Variants in PPP1CB observed in about 807,000 individuals in gnomAD.
PPP1CB encodes protein phosphatase 1 catalytic subunit beta.
PPP1CB carries 2 observed loss-of-function variants against 43.7 expected under a neutral mutation model. The observed-to-expected ratio is 0.05, with a 90% confidence interval of 0.02 to 0.14. The LOEUF is 0.14. PPP1CB is among the 10% of genes least tolerant of loss of function. The pLI, the probability that PPP1CB is intolerant of heterozygous loss-of-function variation, is 1.00. For missense variants in PPP1CB, 84 were observed against 398.0 expected (o/e 0.21, Z 6.71); for synonymous variants, 136 against 135.6 (o/e 1.00, Z -0.02).
chr2:28,770,656 CT>C (rs1572452671), intron 1 of PPP1CB, among the ~76,000 whole-genome samples: 1 of 152,080 alleles, frequency 6.6e-6, no homozygotes, highest in East Asian at 1.9e-4. Context: ...ATCAGTGCCC[CT>C]CTTTCAGTAA....
Position 28,751,952 on chromosome 2 carries a change from C to T in PPP1CB, c.-173C>T, listed in dbSNP as rs899655055. 2 of 661,280 alleles carry T rather than the reference C, an allele frequency of 3.0e-6. No individual in the cohort carries two copies. Among genetic ancestry groups the T allele is most frequent in the Admixed American group, 5.0e-5 (2 of 40,332 alleles). 41.0% of individuals were successfully genotyped at this position (661,280 alleles called of 1,614,324 possible). A position where few individuals can be genotyped will look rare whatever the true frequency, so the allele number is the denominator to read the frequency against. ...GGGTGCCTCCGAGTGTGCGCGCGCT[C>T]TCGCTACCCGGCGGGGAGGGGGTGG... On this transcript the variant is annotated 5_prime_UTR_variant, in exon 1 of 8. Transcript: ENST00000395366.
chr2:28,752,036 A>T lies in PPP1CB; in HGVS notation c.-89A>T. ...GGGGTCGAAACGCCGCGTGACTTGT[A>T]GGTGAGAGAACGCCGAGCCGTCGCC... is the stretch of plus-strand genomic sequence containing the variant. On this transcript the variant is annotated 5_prime_UTR_variant, in exon 1 of 8. Transcript: ENST00000395366. 1 of 1,250,630 alleles carries T rather than the reference A, an allele frequency of 8.0e-7. No individual in the cohort carries two copies. The highest frequency in any genetic ancestry group is 1.1e-6 in the Non-Finnish European group (1 of 874,814). The allele number at this position is 1,250,630 out of a possible 1,614,324, so 77.5% of individuals were successfully genotyped here. A position where few individuals can be genotyped will look rare whatever the true frequency, so the allele number is the denominator to read the frequency against.
At position 28,765,123 on chromosome 2, in the gene PPP1CB, CAA is replaced by C. The variant is rs199673022; in HGVS notation, c.53-11726_53-11725del. 1.8e-3 allele frequency among the ~76,000 whole-genome samples: 273 copies of C among 152,156 alleles called. 10 individuals are homozygous for C. The East Asian group carries it at 0.046, about 26-fold the overall frequency. On this transcript the variant is annotated intron_variant, in intron 1 of 7. Transcript: ENST00000395366. ...CCCTTGGATATGTGCGTTGGAAAGA[CAA>C]ACCTGCAATGGAAAAGTTTTTACAC...
rs1049068816 is a variant in PPP1CB at position 28,766,758 on chromosome 2, G to A, written c.53-10093G>A. The stretch of plus-strand genomic sequence containing the variant: ...CAGTGTTCTCAACTCTTCAAGCACC[G>A]TTTTTACAGAAAGGCTAATGGCGTT... On this transcript the variant is annotated intron_variant, in intron 1 of 7. Coordinates refer to ENST00000395366, the MANE Select transcript of PPP1CB (RefSeq NM_002709.3). Among the ~76,000 whole-genome samples, 19 of 152,210 alleles carry A rather than the reference G, an allele frequency of 1.2e-4. No homozygotes were observed. The South Asian group carries it at 3.7e-3, about 30-fold the overall frequency.
At position 28,776,851 on chromosome 2, in the gene PPP1CB, T is replaced by C; in HGVS notation, c.53T>C (p.Val18Ala). The C allele has an allele frequency of 6.2e-7, 1 of 1,609,802 alleles. No homozygotes were observed. The highest frequency in any genetic ancestry group is 8.5e-7 in the Non-Finnish European group (1 of 1,176,836). Residue 18 changes from valine (V) to alanine (A), a missense_variant and splice_region_variant, in exon 2 of 8, where the codon GTA becomes GCA. This residue lies in a region of PPP1CB where 27 missense variants were observed against 42.7 expected (regional missense o/e 0.63). Coordinates refer to ENST00000395366, the MANE Select transcript of PPP1CB (RefSeq NM_002709.3). ...VDSLITRLLEVRGCRPGKIVQ... is the reference protein window; with the variant it reads ...VDSLITRLLEARGCRPGKIVQ... ...GACTGTTTTATTTATCGTTTGTCAGTACGAGGATGTCGTCCAGGAAAGATT... is the reference window on the plus strand; with the variant it reads ...GACTGTTTTATTTATCGTTTGTCAGCACGAGGATGTCGTCCAGGAAAGATT...
At chr2:28,781,884 A>G (rs529012205) in intron 4 of PPP1CB, 42 bp downstream of exon 4, 154 of 1,355,268 alleles carry the variant, frequency 1.1e-4, no homozygotes, top group Middle Eastern at 1.8e-4. Context: ...TTTTTCTTCT[A>G]TTATTCGGAA....
rs531902917 is a variant in PPP1CB, at chr2:28,781,962, A to G, written c.520+120A>G. 1.8e-4 allele frequency: 133 copies of G among 719,082 alleles called. No individual in the cohort carries two copies. In the African/African-American group the frequency reaches 2.0e-3, roughly 11 times the overall value. The allele number at this position is 719,082 out of a possible 1,614,324, so 44.5% of individuals were successfully genotyped here. On this transcript the variant is annotated intron_variant, in intron 4 of 7. Coordinates refer to ENST00000395366, the MANE Select transcript of PPP1CB (RefSeq NM_002709.3). The stretch of plus-strand genomic sequence containing the variant: ...GCTTGTATGAAAACTCAAGTGATTA[A>G]AACTGTTTTAAACATGGCTAAACCT...
intron 1 of PPP1CB, among the ~76,000 whole-genome samples, chr2:28,758,363 C>A (rs979641233): frequency 1.3e-5 from 2 of 152,104 alleles, no homozygotes; most frequent in Admixed American, 6.5e-5. Flanking sequence ...GACTTAAATT[C>A]TGTTATGTAT....
intron 7 of PPP1CB, 103 bp downstream of exon 7, chr2:28,794,100 C>T (rs1311654104): frequency 1.1e-6 from 1 of 936,566 alleles, no homozygotes; most frequent in Non-Finnish European, 1.6e-6. Context: ...TGTTGAAAGT[C>T]TGTTTAATTC....
rs1035871502 is a variant in PPP1CB at position 28,802,511 on chromosome 2, T to C, written c.*3208T>C. 3.2e-4 allele frequency: 49 copies of C among 152,320 alleles called. No individual in the cohort carries two copies. Among genetic ancestry groups the C allele is most frequent in the African/African-American group, 1.1e-3 (47 of 41,578 alleles). 9.4% of individuals were successfully genotyped at this position (152,320 alleles called of 1,614,324 possible). On this transcript the variant is annotated 3_prime_UTR_variant, in exon 8 of 8. Transcript: ENST00000395366. ...CTTAGAAGTAGGCTTTCCCTCTTCC[T>C]AGTAGATCTCAATGTTTTATAATTC...
intron 5 of PPP1CB, 32 bp from the exon 6 acceptor site, chr2:28,788,626 G>A (rs764403258): frequency 2.5e-6 from 4 of 1,599,158 alleles, no homozygotes; most frequent in Non-Finnish European, 1.7e-6. Flanking sequence ...TGTAAATTTT[G>A]TTCTTAATTG....
At chr2:28,756,805 G>A (rs1160359475) in intron 1 of PPP1CB, among the ~76,000 whole-genome samples, 1 of 4,970 alleles carries the variant, frequency 2.0e-4, no homozygotes, top group Non-Finnish European at 5.0e-3. Flanking sequence ...TCCTTTTGAA[G>A]GTTAAAAAAA....
chr2:28,772,338 C>T (rs1261477440), intron 1 of PPP1CB, among the ~76,000 whole-genome samples: 1 of 151,976 alleles, frequency 6.6e-6, no homozygotes, highest in Non-Finnish European at 1.5e-5. Flanking sequence ...CCTTGGTCCT[C>T]GGGGAAATCA....
At chr2:28,762,298 A>G (rs543324833) in intron 1 of PPP1CB, among the ~76,000 whole-genome samples, 1 of 152,316 alleles carries the variant, frequency 6.6e-6, no homozygotes, top group African/African-American at 2.4e-5. Context: ...ATAAATAAAT[A>G]AATATCTGTT....
intron 7 of PPP1CB, among the ~76,000 whole-genome samples, chr2:28,797,686 C>A (rs542163906): frequency 6.6e-6 from 1 of 152,186 alleles, no homozygotes; most frequent in South Asian, 2.1e-4. Context: ...TGTAATGTCA[C>A]CTTTCTCATT....
intron 4 of PPP1CB, 40 bp from the exon 5 acceptor site, chr2:28,783,867 T>A (rs767658596): frequency 3.7e-5 from 51 of 1,386,986 alleles, no homozygotes; most frequent in East Asian, 9.1e-5. Context: ...ATATTAAAAT[T>A]TTTAGCTGTT....
intron 1 of PPP1CB, among the ~76,000 whole-genome samples, chr2:28,752,709 A>G (rs1572437819): frequency 1.3e-5 from 2 of 152,234 alleles, no homozygotes; most frequent in South Asian, 2.1e-4. Context: ...ACACAATGCT[A>G]TATAGAATGG....
chr2:28,787,728 C>G (rs910146108), intron 5 of PPP1CB, among the ~76,000 whole-genome samples: 2 of 152,156 alleles, frequency 1.3e-5, no homozygotes, highest in Non-Finnish European at 2.9e-5. Context: ...ATACTAAGCC[C>G]TTTGTCTTGA....
chr2:28,752,027 G>GT lies in PPP1CB; in HGVS notation c.-97dup. The stretch of plus-strand genomic sequence containing the variant: ...GTTGGAGCCGGGGTCGAAACGCCGC[G>GT]TGACTTGTAGGTGAGAGAACGCCGA... On this transcript the variant is annotated 5_prime_UTR_variant, in exon 1 of 8. Transcript: ENST00000395366. 8.3e-7 allele frequency: 1 copy of GT among 1,200,624 alleles called. No homozygotes were observed. Among genetic ancestry groups the GT allele is most frequent in the Non-Finnish European group, 1.2e-6 (1 of 829,102 alleles). The allele number at this position is 1,200,624 out of a possible 1,614,324, so 74.4% of individuals were successfully genotyped here. A position where few individuals can be genotyped will look rare whatever the true frequency, so the allele number is the denominator to read the frequency against.
Sources: allele counts gnomAD v4.1 joint callset (sites outside exome capture counted in the v4.1 genomes callset), GRCh38; gene constraint gnomAD v4.1.1; regional missense constraint gnomAD v4.1.1; transcripts MANE v1.5; gene names NCBI Gene and HGNC (gene_info 2026-07-23, HGNC 2026-07-21).